LIPE: variants seen among roughly 807,000 people sequenced by gnomAD.
The protein encoded by LIPE is lipase E, hormone sensitive type, also known as hormone-sensitive lipase.
Under a neutral mutation model 88.5 loss-of-function variants are expected in LIPE, and 66 were observed. That is an observed-to-expected ratio of 0.75 (90% CI 0.61 to 0.91). LIPE has a LOEUF of 0.91. Among genes scored for constraint, LIPE ranks in the 40% least tolerant of loss-of-function variants. The pLI, the probability that LIPE is intolerant of heterozygous loss-of-function variation, is 0.00. For synonymous variants in LIPE, 570 were observed against 617.5 expected (o/e 0.92, Z 1.14); for missense variants, 1,346 against 1,434.7 (o/e 0.94, Z 1.00).
chr19:42,401,975 G>A lies in LIPE; in HGVS notation c.3068C>T (p.Pro1023Leu). ...CGCCGCTAGGGTCAGGAAGCCGTGC[G>A]GCAGGTCCTCCACCACGCGCAGCGT... The part of the protein sequence containing the change: ...PVTLRVVEDL[P>L]HGFLTLAALC... The change falls in exon 10 of 10, where the codon CCG becomes CTG. Residue 1023 changes from proline to leucine, a missense_variant. Pro to Leu is a moderately conservative substitution (Grantham distance 98). Transcript: ENST00000244289. 6.4e-7 allele frequency: 1 copy of A among 1,556,714 alleles called. No individual in the cohort carries two copies. The highest frequency in any genetic ancestry group is 8.7e-7 in the Non-Finnish European group (1 of 1,153,664).
In LIPE at chr19:42,423,545, C is replaced by G. The variant is rs910228131; in HGVS notation, c.883+2722G>C. 2.7e-5 allele frequency: 34 copies of G among 1,246,020 alleles called. No homozygotes were observed. In the African/African-American group the frequency reaches 3.6e-4, roughly 13 times the overall value. The allele number at this position is 1,246,020 out of a possible 1,614,324, so 77.2% of individuals were successfully genotyped here. On this transcript the variant is annotated intron_variant, in intron 1 of 9. Coordinates refer to ENST00000244289, the MANE Select transcript of LIPE (RefSeq NM_005357.4). Reference sequence around the variant, plus strand: ...CCCCCGGCCAACTCCATCAATTCCCCGCGGTCCTCCCGCGGGGGCCAATTC... The same window carrying G: ...CCCCCGGCCAACTCCATCAATTCCCGGCGGTCCTCCCGCGGGGGCCAATTC...
Position 42,401,961 on chromosome 19 carries a change from T to G in LIPE, c.3082A>C (p.Thr1028Pro). Reference protein sequence around the residue: ...VVEDLPHGFLTLAALCRETRQ... With the variant: ...VVEDLPHGFLPLAALCRETRQ... Reference sequence around the variant, plus strand: ...GTCTCGCGGCACAGCGCCGCTAGGGTCAGGAAGCCGTGCGGCAGGTCCTCC... The same window carrying G: ...GTCTCGCGGCACAGCGCCGCTAGGGGCAGGAAGCCGTGCGGCAGGTCCTCC... The change falls in exon 10 of 10, where the codon ACC (threonine) becomes CCC (proline). Residue 1028 changes from threonine to proline, a missense_variant. Coordinates refer to ENST00000244289, the MANE Select transcript of LIPE (RefSeq NM_005357.4). The G allele has an allele frequency of 1.3e-6, 2 of 1,556,614 alleles. No individual in the cohort carries two copies. The highest frequency in any genetic ancestry group is 1.7e-6 in the Non-Finnish European group (2 of 1,154,676).
rs376116810 is a variant in LIPE at position 42,408,350 on chromosome 19, A to T, written c.1420-28T>A. ...GTGGAGAGACGCGGCTGCGTCACCC[A>T]CCGCTCAAGAGAGGGATGGGGACAG... On this transcript the variant is annotated intron_variant, in intron 2 of 9. Coordinates refer to ENST00000244289, the MANE Select transcript of LIPE (RefSeq NM_005357.4). This position sits in a 1 kb window ranked among gnomAD's most constrained non-coding sequence, Gnocchi z 4.3. 6.8e-5 allele frequency: 107 copies of T among 1,583,996 alleles called. 1 individual carries two copies. The African/African-American group carries it at 1.3e-3, about 19-fold the overall frequency.
At chr19:42,419,777 C>T (rs1371580473) in intron 1 of LIPE, among the ~76,000 whole-genome samples, 1 of 152,084 alleles carries the variant, frequency 6.6e-6, no homozygotes, top group Non-Finnish European at 1.5e-5. Context: ...GCCAGGAAGC[C>T]TGGAATCAGA....
At chr19:42,415,595 AG>A (rs1200629193) in intron 1 of LIPE, among the ~76,000 whole-genome samples, 6 of 151,802 alleles carry the variant, frequency 4.0e-5, no homozygotes, top group African/African-American at 1.5e-4. Context: ...CGGATCACGA[AG>A]TCAGGAGATC....
At position 42,408,026 on chromosome 19, in the gene LIPE, C is replaced by T. The variant is rs371540113; in HGVS notation, c.1606G>A (p.Val536Met). ...TTCCAGAAGGCTTTCCAGAAGTGCA[C>T]GTCCAGGTTCTGTGTGATCCGCTCA... is the stretch of plus-strand genomic sequence containing the variant. The part of the protein sequence containing the change: ...EFERITQNLD[V>M]HFWKAFWNIT... The change falls in exon 4 of 10, where the codon GTG (valine) becomes ATG (methionine). Residue 536 changes from valine to methionine, a missense_variant. Coordinates refer to ENST00000244289, the MANE Select transcript of LIPE (RefSeq NM_005357.4). The surrounding 1 kb of genome is among the most constrained non-coding windows in gnomAD (Gnocchi z 4.3). The T allele has an allele frequency of 6.3e-5, 102 of 1,613,730 alleles. No homozygotes were observed. Among genetic ancestry groups the T allele is most frequent in the South Asian group, 4.8e-4 (44 of 91,080 alleles).
At chr19:42,423,437 G>C (rs1174527436) in intron 1 of LIPE, 1 of 1,289,316 alleles carries the variant, frequency 7.8e-7, no homozygotes, top group South Asian at 1.2e-5. Flanking sequence ...TTGTCTTTTC[G>C]CCACCGCCGG....
rs1018338752 is a variant in LIPE at position 42,410,612 on chromosome 19, C to T, written c.1114G>A (p.Gly372Arg). The T allele has an allele frequency of 2.4e-5, 39 of 1,613,290 alleles. No individual in the cohort carries two copies. Among genetic ancestry groups the T allele is most frequent in the East Asian group, 2.0e-4 (9 of 44,882 alleles). Reference sequence around the variant, plus strand: ...GCTGTGTGCACTAGGCTGCGGTACCCGTTGGCCGGTGTCTCTGGGTCCAGG... The same window carrying T: ...GCTGTGTGCACTAGGCTGCGGTACCTGTTGGCCGGTGTCTCTGGGTCCAGG... ...FDLDPETPAN[G>R]YRSLVHTARC... The change falls in exon 2 of 10, where the codon GGG becomes AGG. Residue 372 changes from glycine (G) to arginine (R), a missense_variant. Physicochemically the swap from Gly to Arg is moderately radical, Grantham distance 125 (BLOSUM62 -2). Transcript: ENST00000244289. This position sits in a 1 kb window ranked among gnomAD's most constrained non-coding sequence, Gnocchi z 6.1.
In LIPE at chr19:42,426,344, T is replaced by G. The variant is rs767002556; in HGVS notation, c.806A>C (p.Lys269Thr). The G allele has an allele frequency of 6.2e-7, 1 of 1,613,854 alleles. No individual in the cohort carries two copies. Among genetic ancestry groups the G allele is most frequent in the African/African-American group, 1.3e-5 (1 of 74,966 alleles). Residue 269 changes from lysine to threonine, a missense_variant, in exon 1 of 10, where the codon AAA becomes ACA. Lys to Thr is a moderately conservative substitution (Grantham distance 78). Transcript: ENST00000244289. The stretch of plus-strand genomic sequence containing the variant: ...CGTCCCACTGTATCCTGACATCACT[T>G]TATAACCAGATTTTCCTTTGAAGCC... ...KLGFKGKSGY[K>T]VMSGYSGTSP...
Position 42,401,947 on chromosome 19 carries a change from C to T in LIPE, c.3096G>A (p.Leu1032=). The T allele has an allele frequency of 3.9e-6, 6 of 1,557,056 alleles. No homozygotes were observed. The highest frequency in any genetic ancestry group is 4.3e-6 in the Non-Finnish European group (5 of 1,155,412). Residue 1032 remains leucine (L), a synonymous_variant, in exon 10 of 10, where the codon CTG becomes CTA. Transcript: ENST00000244289. ...LPHGFLTLAA[L]CRETRQAAEL... ...CTGCGGCCTGGCGCGTCTCGCGGCACAGCGCCGCTAGGGTCAGGAAGCCGT... is the reference window on the plus strand; with the variant it reads ...CTGCGGCCTGGCGCGTCTCGCGGCATAGCGCCGCTAGGGTCAGGAAGCCGT...
At position 42,406,530 on chromosome 19, in the gene LIPE, T is replaced by C. The variant is rs768693981; in HGVS notation, c.2138-142A>G. 1 of 667,276 alleles carries C rather than the reference T, an allele frequency of 1.5e-6. No individual in the cohort carries two copies. Among genetic ancestry groups the C allele is most frequent in the Non-Finnish European group, 2.6e-6 (1 of 379,964 alleles). 41.3% of individuals were successfully genotyped at this position (667,276 alleles called of 1,614,324 possible). On this transcript the variant is annotated intron_variant, in intron 6 of 9. Transcript: ENST00000244289. The surrounding 1 kb of genome is among the most constrained non-coding windows in gnomAD (Gnocchi z 5.7). ...TCCAAGGCCTAGCAGACTGCAGTTTTAGAGACTGGCAGACTGAGGCACAGA... is the reference window on the plus strand; with the variant it reads ...TCCAAGGCCTAGCAGACTGCAGTTTCAGAGACTGGCAGACTGAGGCACAGA...
chr19:42,407,233 C>T lies in LIPE; in HGVS notation c.2078G>A (p.Arg693His), dbSNP rs772599079. Residue 693 changes from arginine (R) to histidine (H), a missense_variant, in exon 6 of 10, where the codon CGT becomes CAT. Coordinates refer to ENST00000244289, the MANE Select transcript of LIPE (RefSeq NM_005357.4). This position sits in a 1 kb window ranked among gnomAD's most constrained non-coding sequence, Gnocchi z 5.8. ...YSLAPEAPFP[R>H]ALEECFFAYC... ...GGCGAAGAAGCACTCCTCCAGCGCA[C>T]GGGGGAAGGGGGCCTCAGGGGCCAG... The T allele has an allele frequency of 1.1e-5, 18 of 1,576,688 alleles. No individual in the cohort carries two copies. Among genetic ancestry groups the T allele is most frequent in the African/African-American group, 6.8e-5 (5 of 74,036 alleles).
Position 42,405,990 on chromosome 19 carries a change from A to T in LIPE, c.2365+171T>A, listed in dbSNP as rs1442722264. The stretch of plus-strand genomic sequence containing the variant: ...CTCTCTCTCTCTCACACACACACAC[A>T]CACACACACACACACACACACACAC... On this transcript the variant is annotated intron_variant, in intron 7 of 9. Coordinates refer to ENST00000244289, the MANE Select transcript of LIPE (RefSeq NM_005357.4). Among the ~76,000 whole-genome samples the T allele has an allele frequency of 1.5e-3, 214 of 147,478 alleles. 1 individual carries two copies. The highest frequency in any genetic ancestry group is 5.3e-3 in the African/African-American group (201 of 37,620).
intron 1 of LIPE, chr19:42,423,223 G>A (rs2040635115): frequency 3.0e-6 from 1 of 329,030 alleles, no homozygotes; most frequent in African/African-American, 2.3e-5. Flanking sequence ...GCTAGTCCCT[G>A]TGCCAGGGTG....
At chr19:42,416,749 T>C (rs1477344803) in intron 1 of LIPE, among the ~76,000 whole-genome samples, 2 of 152,250 alleles carry the variant, frequency 1.3e-5, no homozygotes, top group African/African-American at 4.8e-5. Flanking sequence ...AAGCCCACTG[T>C]TGAGACGGAC....
In LIPE at chr19:42,402,708, G is replaced by A. The variant is rs1420664880; in HGVS notation, c.2866C>T (p.Gln956Ter). 6.5e-7 allele frequency: 1 copy of A among 1,545,476 alleles called. No homozygotes were observed. The highest frequency in any genetic ancestry group is 8.8e-7 in the Non-Finnish European group (1 of 1,141,846). The change falls in exon 9 of 10, where the codon CAG (glutamine) becomes TAG (stop). Residue 956 changes from glutamine to a stop codon, truncating the protein, a stop_gained. Coordinates refer to ENST00000244289, the MANE Select transcript of LIPE (RefSeq NM_005357.4). LOFTEE classifies it high-confidence loss of function. ...ATGGGTGAGGAGTAGAGGGGCATCTGTGTGGCACCCTGGCTGGAGCGTCGG... is the reference window on the plus strand; with the variant it reads ...ATGGGTGAGGAGTAGAGGGGCATCTATGTGGCACCCTGGCTGGAGCGTCGG... ...HPRRSSQGAT[Q>*]MPLYSSPIVK...
intron 1 of LIPE, chr19:42,423,741 G>T (rs1381042163): frequency 1.8e-6 from 2 of 1,126,280 alleles, no homozygotes; most frequent in Admixed American, 9.8e-5. Flanking sequence ...ATCTGGCTCC[G>T]CCCCCTACCG....
intron 7 of LIPE, 187 bp downstream of exon 7, chr19:42,405,974 T>TGTCACA (rs1555788424): frequency 3.9e-5 from 19 of 481,774 alleles, no homozygotes; most frequent in Non-Finnish European, 5.8e-5. Flanking sequence ...TCTCTCTCTC[T>TGTCACA]CTCACACACA....
Position 42,406,392 on chromosome 19 carries a change from G to A in LIPE, c.2138-4C>T. 6.2e-7 allele frequency: 1 copy of A among 1,609,436 alleles called. No homozygotes were observed. Among genetic ancestry groups the A allele is most frequent in the Non-Finnish European group, 8.5e-7 (1 of 1,176,004 alleles). ...CAGATTCGTTCCCCTGTTGAGCCTG[G>A]TTTGGGAGAGGGGTGGTTGGTGACA... On this transcript the variant is annotated splice_polypyrimidine_tract_variant and splice_region_variant and intron_variant, in intron 6 of 9. Coordinates refer to ENST00000244289, the MANE Select transcript of LIPE (RefSeq NM_005357.4). The surrounding 1 kb of genome is among the most constrained non-coding windows in gnomAD (Gnocchi z 5.7).
Sources: gnomAD v4.1 joint callset for allele counts (sites outside exome capture counted in the v4.1 genomes callset) on GRCh38, gnomAD v4.1.1 for gene constraint, Gnocchi (gnomAD v3.1) non-coding constraint, MANE v1.5 for transcripts, NCBI Gene and HGNC (gene_info 2026-07-23, HGNC 2026-07-21) for gene names.